CREB1: variants seen among roughly 807,000 people sequenced by gnomAD.
CREB1 encodes cAMP responsive element binding protein 1.
In CREB1, 2 loss-of-function variants were observed where a neutral mutation model predicts 42.0. That is an observed-to-expected ratio of 0.05 (90% confidence interval 0.02 to 0.15). The LOEUF is 0.15. CREB1 is among the 10% of genes least tolerant of loss of function. The pLI is 1.00. For missense variants in CREB1, 199 were observed against 388.9 expected (o/e 0.51, Z 4.11); for synonymous variants, 123 against 139.9 (o/e 0.88, Z 0.85).
intron 5 of CREB1, among the ~76,000 whole-genome samples, chr2:207,572,097 A>G (rs1574866352): frequency 6.6e-6 from 1 of 151,930 alleles, no homozygotes; most frequent in South Asian, 2.1e-4. Flanking sequence ...ATAGTGGCGG[A>G]CGCCTGTAAT....
At chr2:207,536,863 G>A (rs901610029) in intron 1 of CREB1, among the ~76,000 whole-genome samples, 22 of 151,736 alleles carry the variant, frequency 1.4e-4, no homozygotes, top group Non-Finnish European at 2.2e-4. Context: ...AGTTGTATAC[G>A]CCTGTAGTCC....
chr2:207,570,090 C>A, intron 4 of CREB1, 89 bp from the exon 5 acceptor site: 3 of 672,420 alleles, frequency 4.5e-6, no homozygotes, highest in Non-Finnish European at 6.9e-6. Context: ...TAGCAGCTTT[C>A]TGTGAGTTTT....
At chr2:207,535,378 CT>C (rs1305813138) in intron 1 of CREB1, among the ~76,000 whole-genome samples, 1 of 152,008 alleles carries the variant, frequency 6.6e-6, no homozygotes. Flanking sequence ...GTTTTTATAG[CT>C]TTCTTTCTTA....
intron 1 of CREB1, among the ~76,000 whole-genome samples, chr2:207,552,720 C>T (rs1458467989): frequency 6.6e-6 from 1 of 151,888 alleles, no homozygotes; most frequent in Non-Finnish European, 1.5e-5. Context: ...ATTCTCCTGC[C>T]TCAGCCTCCC....
chr2:207,559,974 G>A (rs1344262152), intron 2 of CREB1, among the ~76,000 whole-genome samples: 1 of 152,154 alleles, frequency 6.6e-6, no homozygotes, highest in Non-Finnish European at 1.5e-5. Context: ...TACATATTTG[G>A]TATAACATGG....
chr2:207,564,109 G>C (rs1043505369), intron 3 of CREB1, among the ~76,000 whole-genome samples: 1 of 151,774 alleles, frequency 6.6e-6, no homozygotes, highest in Admixed American at 6.6e-5. Context: ...TTAAAATTTA[G>C]AAATAAGAAA....
intron 5 of CREB1, among the ~76,000 whole-genome samples, chr2:207,570,964 AATTTT>A (rs980210830): frequency 2.9e-5 from 4 of 136,512 alleles, no homozygotes; most frequent in East Asian, 2.2e-4. Context: ...GACACTTTTG[AATTTT>A]ATTTTGTTTG....
At position 207,601,261 on chromosome 2, in the gene CREB1, T is replaced by C; in HGVS notation, c.*4203T>C. 5.4e-6 allele frequency: 1 copy of C among 185,698 alleles called. No homozygotes were observed. Among genetic ancestry groups the C allele is most frequent in the Middle Eastern group, 2.0e-3 (1 of 506 alleles). The allele number at this position is 185,698 out of a possible 1,614,324, so 11.5% of individuals were successfully genotyped here. Reference sequence around the variant, plus strand: ...TAAATGTTTGGTGTAACTTGCACTTTTTTAAATGACCCAGTTTGGGTATTA... The same window carrying C: ...TAAATGTTTGGTGTAACTTGCACTTCTTTAAATGACCCAGTTTGGGTATTA... On this transcript the variant is annotated 3_prime_UTR_variant, in exon 8 of 8. Transcript: ENST00000353267.
intron 1 of CREB1, among the ~76,000 whole-genome samples, chr2:207,535,982 G>A (rs921996122): frequency 1.3e-5 from 2 of 151,658 alleles, no homozygotes; most frequent in East Asian, 3.9e-4. Flanking sequence ...CACCAGGCCC[G>A]GCTAATTTTT....
chr2:207,570,361 A>G (rs1160695735), intron 5 of CREB1, 40 bp downstream of exon 5: 1 of 1,530,034 alleles, frequency 6.5e-7, no homozygotes. Context: ...GTGAGGAGAA[A>G]AAAGTGAGGA....
chr2:207,544,863 C>A (rs919055140), intron 1 of CREB1, among the ~76,000 whole-genome samples: 1 of 152,154 alleles, frequency 6.6e-6, no homozygotes, highest in Non-Finnish European at 1.5e-5. Context: ...AGGATAAAGG[C>A]CTCCAGCTCC....
rs186208662 is a variant in CREB1, at chr2:207,536,732, G to A, written c.-9+6598G>A. ...TGGCCAGGCGTGGTGGCTCACGTCTGTAATCCCGGCACTTTGGGAGGTCGA... is the reference window on the plus strand; with the variant it reads ...TGGCCAGGCGTGGTGGCTCACGTCTATAATCCCGGCACTTTGGGAGGTCGA... On this transcript the variant is annotated intron_variant, in intron 1 of 7. Transcript: ENST00000353267. Among the ~76,000 whole-genome samples the A allele has an allele frequency of 2.1e-3, 323 of 152,036 alleles. 3 individuals are homozygous for A. The highest frequency in any genetic ancestry group is 7.4e-3 in the African/African-American group (306 of 41,498).
At chr2:207,561,970 A>T (rs2081973593) in intron 3 of CREB1, among the ~76,000 whole-genome samples, 1 of 152,212 alleles carries the variant, frequency 6.6e-6, no homozygotes, top group Non-Finnish European at 1.5e-5. Context: ...GTGTGAAATC[A>T]TCAGTTGGAT....
intron 7 of CREB1, among the ~76,000 whole-genome samples, chr2:207,596,241 GC>G (rs1242073354): frequency 6.6e-6 from 1 of 152,096 alleles, no homozygotes; most frequent in Non-Finnish European, 1.5e-5. Context: ...TTTTTTAAAT[GC>G]CCTGAAATGA....
At chr2:207,533,993 C>T (rs777161239) in intron 1 of CREB1, among the ~76,000 whole-genome samples, 8 of 152,148 alleles carry the variant, frequency 5.3e-5, no homozygotes, top group Non-Finnish European at 8.8e-5. Flanking sequence ...CATAAGATTG[C>T]GAGATAAACA....
At chr2:207,546,577 A>G (rs1366051795) in intron 1 of CREB1, among the ~76,000 whole-genome samples, 1 of 152,122 alleles carries the variant, frequency 6.6e-6, no homozygotes, top group Non-Finnish European at 1.5e-5. Context: ...AAATAAAAAA[A>G]TTAGCTGGCT....
In CREB1 at chr2:207,552,657, G is replaced by T. The variant is rs2081556196; in HGVS notation, c.-8-2971G>T. 2.0e-5 allele frequency among the ~76,000 whole-genome samples: 3 copies of T among 148,870 alleles called. No individual in the cohort carries two copies. The Admixed American group carries it at 2.0e-4, about 10-fold the overall frequency. On this transcript the variant is annotated intron_variant, in intron 1 of 7. Transcript: ENST00000353267. ...GTCTTGCTCTGTCACCCAGGCTGCA[G>T]TGCAGTGGCGCGATCTCGGCTTACT... is the stretch of plus-strand genomic sequence containing the variant.
chr2:207,543,518 C>T (rs1304392854), intron 1 of CREB1, among the ~76,000 whole-genome samples: 2 of 152,044 alleles, frequency 1.3e-5, no homozygotes, highest in East Asian at 1.9e-4. Context: ...GTAAGTAAGG[C>T]GTAGTCTTCA....
chr2:207,586,248 G>T (rs914111914), intron 7 of CREB1, among the ~76,000 whole-genome samples: 1 of 152,110 alleles, frequency 6.6e-6, no homozygotes, highest in Non-Finnish European at 1.5e-5. Context: ...ACATAGACCA[G>T]TGGAACAGAA....
Sources: allele counts gnomAD v4.1 joint callset (sites outside exome capture counted in the v4.1 genomes callset), GRCh38; gene constraint gnomAD v4.1.1; transcripts MANE v1.5; gene names NCBI Gene and HGNC (gene_info 2026-07-23, HGNC 2026-07-21).